NKAIN3: variants seen among roughly 807,000 people sequenced by gnomAD.
NKAIN3 encodes sodium/potassium-transporting ATPase subunit beta-1-interacting protein 3.
Under a neutral mutation model 30.2 loss-of-function variants are expected in NKAIN3, and 25 were observed. That is an observed-to-expected ratio of 0.83 (90% CI 0.60 to 1.16). The LOEUF (loss-of-function observed/expected upper bound fraction) is 1.16, where lower values mean the gene tolerates loss of function less well. NKAIN3 is among the 50% of genes most tolerant of loss of function. The pLI, the probability that NKAIN3 is intolerant of heterozygous loss-of-function variation, is 0.00. For synonymous variants in NKAIN3, 91 were observed against 89.6 expected (o/e 1.02, Z -0.09); for missense variants, 225 against 254.1 (o/e 0.89, Z 0.78).
At chr8:62,310,864 G>T (rs1297899283) in intron 1 of NKAIN3, among the ~76,000 whole-genome samples, 1 of 150,274 alleles carries the variant, frequency 6.7e-6, no homozygotes, top group African/African-American at 2.5e-5. Flanking sequence ...GGTGGACAAG[G>T]ATGACACTAG....
chr8:62,635,287 C>A (rs1486791527), intron 3 of NKAIN3, among the ~76,000 whole-genome samples: 1 of 152,172 alleles, frequency 6.6e-6, no homozygotes, highest in Admixed American at 6.5e-5. Flanking sequence ...CATTATTTTA[C>A]TCTGAGCTTT....
chr8:62,462,745 G>T (rs150021137), intron 1 of NKAIN3, among the ~76,000 whole-genome samples: 53 of 152,282 alleles, frequency 3.5e-4, no homozygotes, highest in African/African-American at 1.3e-3. Flanking sequence ...ATAATGAAGA[G>T]ACTTTTAGAT....
chr8:62,849,886 G>A (rs1819829625), intron 4 of NKAIN3, among the ~76,000 whole-genome samples: 1 of 151,998 alleles, frequency 6.6e-6, no homozygotes, highest in South Asian at 2.1e-4. Flanking sequence ...CCAAGTCTTT[G>A]CTATTGTGAA....
chr8:62,921,979 C>T (rs775597457), intron 5 of NKAIN3, among the ~76,000 whole-genome samples: 5 of 152,150 alleles, frequency 3.3e-5, no homozygotes, highest in Non-Finnish European at 7.3e-5. Flanking sequence ...TGATATTAGG[C>T]TGCAAATTGC....
intron 3 of NKAIN3, among the ~76,000 whole-genome samples, chr8:62,716,231 C>T (rs1403032452): frequency 6.6e-6 from 1 of 152,146 alleles, no homozygotes; most frequent in Non-Finnish European, 1.5e-5. Context: ...AGACACCATG[C>T]TTTCCTGCCA....
intron 4 of NKAIN3, among the ~76,000 whole-genome samples, chr8:62,916,923 G>A (rs1822123409): frequency 6.6e-6 from 1 of 151,800 alleles, no homozygotes; most frequent in Non-Finnish European, 1.5e-5. Flanking sequence ...TGCTTTTAGG[G>A]GTTCTTCAGA....
intron 1 of NKAIN3, among the ~76,000 whole-genome samples, chr8:62,541,564 G>C (rs534981440): frequency 5.9e-5 from 9 of 152,194 alleles, no homozygotes; most frequent in African/African-American, 2.2e-4. Flanking sequence ...TGTGCTCTGA[G>C]AAGGTCTATT....
chr8:62,640,154 G>C (rs1353214418), intron 3 of NKAIN3, among the ~76,000 whole-genome samples: 1 of 152,116 alleles, frequency 6.6e-6, no homozygotes, highest in Non-Finnish European at 1.5e-5. Flanking sequence ...ATACTTCCGT[G>C]ACCTGGCAAG....
intron 1 of NKAIN3, among the ~76,000 whole-genome samples, chr8:62,256,688 G>T (rs989411968): frequency 9.2e-5 from 14 of 152,252 alleles, no homozygotes. Context: ...AGCCTGGTCT[G>T]GAGAGGGAGT....
At chr8:62,412,935 A>C (rs1428729318) in intron 1 of NKAIN3, among the ~76,000 whole-genome samples, 57 of 150,480 alleles carry the variant, frequency 3.8e-4, no homozygotes, top group African/African-American at 1.4e-3. Flanking sequence ...AAAAAAAAAA[A>C]CAGCAAAACA....
At chr8:62,434,806 C>G (rs1296869728) in intron 1 of NKAIN3, among the ~76,000 whole-genome samples, 1 of 152,166 alleles carries the variant, frequency 6.6e-6, no homozygotes, top group East Asian at 1.9e-4. Flanking sequence ...CTATAGACCT[C>G]TCCTGAAAAT....
At chr8:62,581,550 T>G (rs992197168) in intron 2 of NKAIN3, among the ~76,000 whole-genome samples, 1 of 152,170 alleles carries the variant, frequency 6.6e-6, no homozygotes. Flanking sequence ...TAGATAGACT[T>G]TGCCTCTTAT....
intron 1 of NKAIN3, among the ~76,000 whole-genome samples, chr8:62,382,591 A>C (rs1217600886): frequency 1.3e-5 from 2 of 152,164 alleles, no homozygotes; most frequent in Non-Finnish European, 2.9e-5. Flanking sequence ...AGAAGGGTTC[A>C]AGTCATAAAT....
intron 3 of NKAIN3, among the ~76,000 whole-genome samples, chr8:62,622,183 A>G (rs6991543): frequency 0.025 from 3,726 of 152,038 alleles, 147 homozygotes; most frequent in African/African-American, 0.084. Flanking sequence ...TTGTTTAACC[A>G]TTTACCAAAG....
intron 3 of NKAIN3, among the ~76,000 whole-genome samples, chr8:62,728,810 A>G (rs6472047): frequency 0.87 from 132,548 of 151,484 alleles, 58,121 homozygotes; most frequent in Admixed American, 0.9. Context: ...CTAACACGGC[A>G]AAACCCCGTT....
At chr8:62,520,818 T>C (rs1419742394) in intron 1 of NKAIN3, among the ~76,000 whole-genome samples, 6 of 151,980 alleles carry the variant, frequency 3.9e-5, no homozygotes, top group East Asian at 3.9e-4. Flanking sequence ...AAACAATATA[T>C]AGGTCTGGAC....
chr8:62,808,160 G>C (rs1171886552), intron 4 of NKAIN3, among the ~76,000 whole-genome samples: 1 of 152,066 alleles, frequency 6.6e-6, no homozygotes, highest in African/African-American at 2.4e-5. Flanking sequence ...TATAGCAGCT[G>C]ATTACTTTGA....
chr8:62,762,557 T>C (rs1048320192), intron 4 of NKAIN3, among the ~76,000 whole-genome samples: 1 of 152,154 alleles, frequency 6.6e-6, no homozygotes, highest in African/African-American at 2.4e-5. Context: ...AATGGCATAT[T>C]CTAAATTTAG....
chr8:62,638,784 T>G (rs1315442083), intron 3 of NKAIN3, among the ~76,000 whole-genome samples: 1 of 152,160 alleles, frequency 6.6e-6, no homozygotes, highest in Non-Finnish European at 1.5e-5. Context: ...ATAGCTTTTG[T>G]GTACCTCAGT....
Sources: gnomAD v4.1 joint callset for allele counts (sites outside exome capture counted in the v4.1 genomes callset) on GRCh38, gnomAD v4.1.1 for gene constraint, MANE v1.5 for transcripts, NCBI Gene and HGNC (gene_info 2026-07-23, HGNC 2026-07-21) for gene names.